SPATA17: variants seen among roughly 807,000 people sequenced by gnomAD.
The protein encoded by SPATA17 is spermatogenesis associated 17.
SPATA17 carries 53 observed loss-of-function variants against 62.2 expected under a neutral mutation model. The observed-to-expected ratio is 0.85, with a 90% confidence interval of 0.68 to 1.07. The LOEUF (loss-of-function observed/expected upper bound fraction) is 1.07, where lower values mean the gene tolerates loss of function less well. Among genes scored for constraint, SPATA17 ranks in the 50% least tolerant of loss-of-function variants. The pLI is 0.00. For synonymous variants in SPATA17, 146 were observed against 146.8 expected (o/e 0.99, Z 0.04); for missense variants, 466 against 425.5 (o/e 1.10, Z -0.84).
intron 5 of SPATA17, among the ~76,000 whole-genome samples, chr1:217,690,518 T>C (rs979093678): frequency 4.1e-5 from 6 of 148,086 alleles, no homozygotes; most frequent in Non-Finnish European, 9.0e-5. Context: ...CTTTAAGTTT[T>C]AGGGTACATG....
chr1:217,665,213 C>G (rs1670668429), intron 3 of SPATA17: 1 of 152,132 alleles, frequency 6.6e-6, no homozygotes, highest in African/African-American at 2.4e-5. Flanking sequence ...CATTATCGTA[C>G]TAGAGAAATA....
chr1:217,648,417 G>A (rs1264126190), intron 1 of SPATA17, among the ~76,000 whole-genome samples: 1 of 152,078 alleles, frequency 6.6e-6, no homozygotes, highest in Non-Finnish European at 1.5e-5. Context: ...AGCTATTAAT[G>A]GAACAGGCAT....
intron 6 of SPATA17, among the ~76,000 whole-genome samples, chr1:217,760,407 C>T (rs1673145731): frequency 6.6e-6 from 1 of 152,048 alleles, no homozygotes; most frequent in Admixed American, 6.5e-5. Context: ...CACAAAATGG[C>T]AGGTATAATC....
At chr1:217,861,089 G>T (rs922482043) in intron 9 of SPATA17, among the ~76,000 whole-genome samples, 21 of 152,040 alleles carry the variant, frequency 1.4e-4, no homozygotes, top group Non-Finnish European at 4.4e-5. Flanking sequence ...CCTTATAACA[G>T]ATTATTCCTG....
intron 6 of SPATA17, among the ~76,000 whole-genome samples, chr1:217,770,810 G>T (rs962849087): frequency 2.6e-5 from 4 of 151,928 alleles, no homozygotes; most frequent in African/African-American, 9.7e-5. Context: ...AATACGGAAT[G>T]GTTCAAAGTA....
chr1:217,791,909 G>A (rs902411910), intron 8 of SPATA17, among the ~76,000 whole-genome samples: 1 of 152,104 alleles, frequency 6.6e-6, no homozygotes. Context: ...GAACTGAGAC[G>A]TTGGTAATGG....
intron 7 of SPATA17, among the ~76,000 whole-genome samples, chr1:217,780,442 C>T (rs946330671): frequency 6.6e-6 from 1 of 152,152 alleles, no homozygotes; most frequent in Non-Finnish European, 1.5e-5. Context: ...ACTGAGTTTA[C>T]TTTCATTCTA....
intron 9 of SPATA17, among the ~76,000 whole-genome samples, chr1:217,815,708 A>G (rs1397487469): frequency 1.3e-5 from 2 of 152,178 alleles, no homozygotes; most frequent in Non-Finnish European, 2.9e-5. Flanking sequence ...TCATTCAATA[A>G]GTTAGTGGTT....
chr1:217,749,164 T>C (rs779562199), intron 6 of SPATA17, among the ~76,000 whole-genome samples: 1 of 152,196 alleles, frequency 6.6e-6, no homozygotes, highest in Non-Finnish European at 1.5e-5. Context: ...TTACCTGTAA[T>C]GACTTTCTGG....
At chr1:217,705,207 G>A (rs1671704201) in intron 5 of SPATA17, among the ~76,000 whole-genome samples, 1 of 151,892 alleles carries the variant, frequency 6.6e-6, no homozygotes, top group South Asian at 2.1e-4. Context: ...ATCTTCTTTT[G>A]ATAAGTGTCT....
chr1:217,771,937 C>G (rs1673457858), intron 6 of SPATA17, among the ~76,000 whole-genome samples: 1 of 152,084 alleles, frequency 6.6e-6, no homozygotes, highest in South Asian at 2.1e-4. Context: ...AAATTTTAAT[C>G]TAGCTAAATT....
At chr1:217,647,424 G>C (rs1426281855) in intron 1 of SPATA17, among the ~76,000 whole-genome samples, 2 of 152,230 alleles carry the variant, frequency 1.3e-5, no homozygotes. Context: ...ACAAAGTTGA[G>C]TGTTAGGAGT....
At chr1:217,829,457 G>A (rs1018644574) in intron 9 of SPATA17, among the ~76,000 whole-genome samples, 12 of 150,826 alleles carry the variant, frequency 8.0e-5, no homozygotes, top group African/African-American at 2.4e-4. Context: ...GTGAAACCCC[G>A]TCTCTACTAA....
chr1:217,850,201 A>G (rs1415771803), intron 9 of SPATA17, among the ~76,000 whole-genome samples: 1 of 152,168 alleles, frequency 6.6e-6, no homozygotes, highest in Non-Finnish European at 1.5e-5. Context: ...ACTTTTATAG[A>G]AGGACTTTTG....
At chr1:217,636,846 A>T (rs1317503018) in intron 1 of SPATA17, among the ~76,000 whole-genome samples, 2 of 152,244 alleles carry the variant, frequency 1.3e-5, no homozygotes, top group East Asian at 3.8e-4. Flanking sequence ...AATTTAAATC[A>T]AATCTGCTTG....
intron 7 of SPATA17, among the ~76,000 whole-genome samples, chr1:217,775,636 AG>A (rs1199285911): frequency 6.6e-6 from 1 of 152,066 alleles, no homozygotes; most frequent in Non-Finnish European, 1.5e-5. Flanking sequence ...CGGGAGGCGG[AG>A]GTTGCAGTGA....
intron 9 of SPATA17, among the ~76,000 whole-genome samples, chr1:217,818,359 G>A (rs561599579): frequency 3.3e-5 from 5 of 152,166 alleles, no homozygotes; most frequent in African/African-American, 7.2e-5. Flanking sequence ...TCAGAGAAAT[G>A]TGTCATTAGA....
intron 4 of SPATA17, among the ~76,000 whole-genome samples, chr1:217,679,949 C>G (rs545348905): frequency 6.6e-6 from 1 of 152,266 alleles, no homozygotes; most frequent in East Asian, 1.9e-4. Context: ...AAACTCGCAT[C>G]ATTCTTCCTT....
intron 5 of SPATA17, among the ~76,000 whole-genome samples, chr1:217,725,320 A>G (rs553611342): frequency 6.6e-6 from 1 of 152,220 alleles, no homozygotes; most frequent in Non-Finnish European, 1.5e-5. Context: ...TTGTAATCCT[A>G]CATAGTATCA....
Sources: gnomAD v4.1 joint callset for allele counts (sites outside exome capture counted in the v4.1 genomes callset) on GRCh38, gnomAD v4.1.1 for gene constraint, MANE v1.5 for transcripts, NCBI Gene and HGNC (gene_info 2026-07-23, HGNC 2026-07-21) for gene names.